GAB1: variants seen among roughly 807,000 people sequenced by gnomAD.
The protein encoded by GAB1 is GRB2-associated-binding protein 1.
Under a neutral mutation model 66.5 loss-of-function variants are expected in GAB1, and 19 were observed. The observed-to-expected ratio is 0.29, with a 90% confidence interval of 0.20 to 0.42. GAB1 has a LOEUF of 0.42. Ranked by LOEUF, GAB1 falls within the 10% of genes least tolerant of loss-of-function variation. The pLI, the probability that GAB1 is intolerant of heterozygous loss-of-function variation, is 1.00. For synonymous variants in GAB1, 294 were observed against 301.4 expected (o/e 0.98, Z 0.25); for missense variants, 732 against 858.5 (o/e 0.85, Z 1.84).
At chr4:143,447,822 A>G (rs1056069503) in intron 6 of GAB1, among the ~76,000 whole-genome samples, 17 of 152,056 alleles carry the variant, frequency 1.1e-4, no homozygotes, top group Admixed American at 7.2e-4. Flanking sequence ...TTCCAACACT[A>G]TGTTGAATAG....
At chr4:143,455,695 G>T (rs1206224322) in intron 6 of GAB1, among the ~76,000 whole-genome samples, 1 of 152,212 alleles carries the variant, frequency 6.6e-6, no homozygotes, top group Non-Finnish European at 1.5e-5. Flanking sequence ...TGTAAATTCA[G>T]AGTAGTATCA....
intron 1 of GAB1, among the ~76,000 whole-genome samples, chr4:143,374,799 C>T (rs3805251): frequency 0.51 from 77,233 of 151,960 alleles, 20,625 homozygotes; most frequent in African/African-American, 0.67. Flanking sequence ...CCTATGGATA[C>T]GTCTCAAAGT....
chr4:143,354,806 T>G (rs1239021989), intron 1 of GAB1, among the ~76,000 whole-genome samples: 1 of 152,212 alleles, frequency 6.6e-6, no homozygotes, highest in Non-Finnish European at 1.5e-5. Context: ...CTTATGCCAG[T>G]GATTCTTAAA....
intron 1 of GAB1, among the ~76,000 whole-genome samples, chr4:143,375,293 G>T (rs1248382505): frequency 3.9e-5 from 6 of 152,214 alleles, no homozygotes; most frequent in Admixed American, 3.9e-4. Context: ...TAGCTGAATT[G>T]ATCTATTTTA....
At chr4:143,425,024 C>A (rs992966607) in intron 2 of GAB1, 1 of 731,308 alleles carries the variant, frequency 1.4e-6, no homozygotes, top group African/African-American at 1.7e-5. Context: ...TCTGGATTCC[C>A]GTTGTAACTT....
chr4:143,348,911 C>T (rs1298416476), intron 1 of GAB1, among the ~76,000 whole-genome samples: 1 of 152,194 alleles, frequency 6.6e-6, no homozygotes, highest in Non-Finnish European at 1.5e-5. Flanking sequence ...GAGTCCTTGA[C>T]ACTCTCTTTT....
In GAB1 at chr4:143,350,634, C is replaced by G. The variant is rs1264697842; in HGVS notation, c.72+13374C>G. ...CGGAGGTTGCGGTGAGCCGAGATCT[C>G]GTCATTGCACTCCAGCCTGGGCAAC... On this transcript the variant is annotated intron_variant, in intron 1 of 9. Coordinates refer to ENST00000262994, the MANE Select transcript of GAB1 (RefSeq NM_002039.4). Among the ~76,000 whole-genome samples the G allele has an allele frequency of 6.4e-5, 9 of 140,150 alleles. No individual in the cohort carries two copies. The East Asian group carries it at 1.7e-3, about 26-fold the overall frequency. 91.9% of individuals were successfully genotyped at this position (140,150 alleles called of 152,430 possible).
At chr4:143,434,121 G>A (rs529561455) in intron 3 of GAB1, 538 of 1,292,170 alleles carry the variant, frequency 4.2e-4, no homozygotes, top group Non-Finnish European at 5.1e-4. Flanking sequence ...AAGAAGGAGA[G>A]GAATACCTTC....
chr4:143,462,064 C>T (rs976661487), intron 8 of GAB1, among the ~76,000 whole-genome samples: 1 of 152,024 alleles, frequency 6.6e-6, no homozygotes, highest in African/African-American at 2.4e-5. Context: ...CTAGCCTGGG[C>T]AACATAGCGA....
At chr4:143,377,986 C>T (rs55872942) in intron 1 of GAB1, among the ~76,000 whole-genome samples, 2,729 of 152,216 alleles carry the variant, frequency 0.018, 77 homozygotes, top group African/African-American at 0.062. Context: ...GTATAGTACA[C>T]GTGGTGGCAA....
At chr4:143,347,018 G>A (rs1478377030) in intron 1 of GAB1, among the ~76,000 whole-genome samples, 1 of 152,176 alleles carries the variant, frequency 6.6e-6, no homozygotes, top group African/African-American at 2.4e-5. Flanking sequence ...AAAAGCAAGC[G>A]TAATATATTT....
intron 1 of GAB1, among the ~76,000 whole-genome samples, chr4:143,372,298 T>A (rs1234463685): frequency 1.3e-5 from 2 of 152,244 alleles, no homozygotes; most frequent in African/African-American, 2.4e-5. Context: ...TGTCTTTTGG[T>A]CCCTTTATGA....
rs1560793706 is a variant in GAB1 at position 143,469,794 on chromosome 4, G to C, written c.*605G>C. 6.6e-6 allele frequency: 1 copy of C among 152,550 alleles called. No individual in the cohort carries two copies. The highest frequency in any genetic ancestry group is 1.5e-5 in the Non-Finnish European group (1 of 68,024). 9.4% of individuals were successfully genotyped at this position (152,550 alleles called of 1,614,324 possible). A position where few individuals can be genotyped will look rare whatever the true frequency, so the allele number is the denominator to read the frequency against. On this transcript the variant is annotated 3_prime_UTR_variant, in exon 10 of 10. Transcript: ENST00000262994. ...GGTTAATGTACATTTAGTTTTTAAT[G>C]GTGGAACTTTGTTATATTTTGTTAA... is the stretch of plus-strand genomic sequence containing the variant.
chr4:143,411,126 G>T (rs113424731), intron 1 of GAB1, among the ~76,000 whole-genome samples: 1,556 of 152,190 alleles, frequency 0.01, 17 homozygotes, highest in African/African-American at 0.035. Context: ...AAGAAGTGAC[G>T]CTGGAGAGAT....
At chr4:143,397,386 C>T (rs1306839184) in intron 1 of GAB1, among the ~76,000 whole-genome samples, 2 of 152,110 alleles carry the variant, frequency 1.3e-5, no homozygotes, top group African/African-American at 4.8e-5. Flanking sequence ...GGAGTGGGAA[C>T]AATTCTTTTG....
chr4:143,425,143 TC>T lies in GAB1; in HGVS notation c.368-8346del. The T allele has an allele frequency of 4.9e-6, 4 of 817,420 alleles. No homozygotes were observed. The East Asian group carries it at 7.3e-5, about 15-fold the overall frequency. 50.6% of individuals were successfully genotyped at this position (817,420 alleles called of 1,614,324 possible). ...CACTTAGGTGGCACCAGTCTTGACT[TC>T]CAGATGGAATAGTACATCTCTAAAA... On this transcript the variant is annotated intron_variant, in intron 2 of 9. Coordinates refer to ENST00000262994, the MANE Select transcript of GAB1 (RefSeq NM_002039.4).
intron 1 of GAB1, among the ~76,000 whole-genome samples, chr4:143,362,500 G>A (rs917948074): frequency 3.3e-5 from 5 of 152,100 alleles, no homozygotes; most frequent in Admixed American, 6.5e-5. Context: ...AACAAGGGGC[G>A]GATTATTCAT....
intron 1 of GAB1, among the ~76,000 whole-genome samples, chr4:143,361,906 TTG>T (rs1318855994): frequency 7.7e-6 from 1 of 129,206 alleles, no homozygotes; most frequent in Non-Finnish European, 1.6e-5. Flanking sequence ...TTTTGAAGTG[TTG>T]TGTGTGGTTT....
chr4:143,340,944 G>A (rs1728803724), intron 1 of GAB1, among the ~76,000 whole-genome samples: 1 of 152,196 alleles, frequency 6.6e-6, no homozygotes, highest in Admixed American at 6.5e-5. Context: ...TTAGTCTGAT[G>A]TGTAAGCTTT....
Sources: gnomAD v4.1 joint callset for allele counts (sites outside exome capture counted in the v4.1 genomes callset) on GRCh38, gnomAD v4.1.1 for gene constraint, MANE v1.5 for transcripts, NCBI Gene and HGNC (gene_info 2026-07-23, HGNC 2026-07-21) for gene names.